COPS2: variants seen among roughly 807,000 people sequenced by gnomAD.
COPS2 encodes the protein COP9 signalosome subunit 2.
Under a neutral mutation model 66.1 loss-of-function variants are expected in COPS2, and 10 were observed. That is an observed-to-expected ratio of 0.15 (90% CI 0.09 to 0.26). COPS2 has a LOEUF of 0.26. COPS2 is among the 10% of genes least tolerant of loss of function. The probability of loss-of-function intolerance (pLI) is 1.00; values close to 1 mark genes in which losing one functional copy is unlikely to be tolerated. For synonymous variants in COPS2, 179 were observed against 171.3 expected (o/e 1.04, Z -0.35); for missense variants, 215 against 513.3 (o/e 0.42, Z 5.62).
At chr15:49,155,503 A>T in intron 1 of COPS2, 22 bp downstream of exon 1, 2 of 1,613,308 alleles carry the variant, frequency 1.2e-6, no homozygotes, top group Non-Finnish European at 1.7e-6. Context: ...CCACCCTCAG[A>T]GTTCCATTCC....
In COPS2 at chr15:49,125,238, T is replaced by C. The variant is rs1482448146; in HGVS notation, c.*2712A>G. On this transcript the variant is annotated 3_prime_UTR_variant, in exon 13 of 13. Coordinates refer to ENST00000388901, the MANE Select transcript of COPS2 (RefSeq NM_004236.4). The stretch of plus-strand genomic sequence containing the variant: ...TAATGAGAGCATTACTTAGTACATA[T>C]ATACTCATCTTTAAAAAGAAATCAG... 3.9e-5 allele frequency: 6 copies of C among 152,132 alleles called. No individual in the cohort carries two copies. The highest frequency in any genetic ancestry group is 2.1e-4 in the South Asian group (1 of 4,834). The allele number at this position is 152,132 out of a possible 1,614,324, so 9.4% of individuals were successfully genotyped here. A position where few individuals can be genotyped will look rare whatever the true frequency, so the allele number is the denominator to read the frequency against.
In COPS2 at chr15:49,122,728, A is replaced by G. The variant is rs1240365422; in HGVS notation, c.*5222T>C. 2.0e-5 allele frequency: 3 copies of G among 152,222 alleles called. No individual in the cohort carries two copies. The highest frequency in any genetic ancestry group is 4.4e-5 in the Non-Finnish European group (3 of 68,034). The allele number at this position is 152,222 out of a possible 1,614,324, so 9.4% of individuals were successfully genotyped here. On this transcript the variant is annotated 3_prime_UTR_variant, in exon 13 of 13. Transcript: ENST00000388901. ...TTAACACAGTAAATACTTAAGAAGTAGATTACGTATTTTTTATTACCAATA... is the reference window on the plus strand; with the variant it reads ...TTAACACAGTAAATACTTAAGAAGTGGATTACGTATTTTTTATTACCAATA...
rs1317524775 is a variant in COPS2, at chr15:49,137,215, A to G, written c.475T>C (p.Tyr159His). The G allele has an allele frequency of 3.1e-6, 5 of 1,604,780 alleles. No homozygotes were observed. Among genetic ancestry groups the G allele is most frequent in the Admixed American group, 1.7e-5 (1 of 58,136 alleles). Residue 159 changes from tyrosine (Y) to histidine (H), a missense_variant, in exon 6 of 13, where the codon TAT becomes CAT. Coordinates refer to ENST00000388901, the MANE Select transcript of COPS2 (RefSeq NM_004236.4). ...TTTCCATATTCCTCTCGTTCTAAAT[A>G]TAATTTTCCAAGCTGCAAGAAAGCA... The part of the protein sequence containing the change: ...FKTNTKLGKL[Y>H]LEREEYGKLQ...
chr15:49,134,661 A>G, intron 6 of COPS2, 147 bp from the exon 7 acceptor site: 4 of 597,342 alleles, frequency 6.7e-6, no homozygotes, highest in Non-Finnish European at 5.5e-6. Context: ...TACTAAGAAT[A>G]CCACTTGTAA....
rs188316166 is a variant in COPS2, at chr15:49,153,918, A to G, written c.54+1607T>C. Among the ~76,000 whole-genome samples, 638 of 152,308 alleles carry G rather than the reference A, an allele frequency of 4.2e-3. 8 individuals carry two copies. The highest frequency in any genetic ancestry group is 0.015 in the African/African-American group (608 of 41,558). On this transcript the variant is annotated intron_variant, in intron 1 of 12. Transcript: ENST00000388901. ...GTGGGGAAGTAAGAGAAGTTGGTTAATGGTATGTACAAACCAACAGTTAGA... is the reference window on the plus strand; with the variant it reads ...GTGGGGAAGTAAGAGAAGTTGGTTAGTGGTATGTACAAACCAACAGTTAGA...
intron 2 of COPS2, among the ~76,000 whole-genome samples, chr15:49,144,746 C>T (rs2084310217): frequency 6.6e-6 from 1 of 152,160 alleles, no homozygotes; most frequent in East Asian, 1.9e-4. Flanking sequence ...CAGAACCATC[C>T]TAGTTTTTCA....
rs548681783 is a variant in COPS2, at chr15:49,145,691, T to G, written c.55-613A>C. On this transcript the variant is annotated intron_variant, in intron 1 of 12. Transcript: ENST00000388901. The stretch of plus-strand genomic sequence containing the variant: ...ATCAAAATAAATAAAACAAAATGGA[T>G]TTATATAATTTTATGAGACTTTCTA... Among the ~76,000 whole-genome samples the G allele has an allele frequency of 3.3e-5, 5 of 152,136 alleles. No individual in the cohort carries two copies. In the South Asian group the frequency reaches 6.2e-4, roughly 19 times the overall value.
intron 9 of COPS2, 93 bp downstream of exon 9, chr15:49,133,665 GT>G (rs1462346792): frequency 1.3e-6 from 1 of 764,012 alleles, no homozygotes; most frequent in East Asian, 2.7e-5. Flanking sequence ...AAGGGCAAAT[GT>G]TGAATATTAA....
intron 6 of COPS2, 98 bp downstream of exon 6, chr15:49,137,052 A>T: frequency 1.3e-6 from 1 of 743,864 alleles, no homozygotes; most frequent in Non-Finnish European, 2.2e-6. Context: ...GATAATGCTT[A>T]AACTAAAACA....
intron 6 of COPS2, among the ~76,000 whole-genome samples, chr15:49,135,720 T>G (rs2141125875): frequency 6.6e-6 from 1 of 152,370 alleles, no homozygotes; most frequent in South Asian, 2.1e-4. Context: ...CTTAAAATTC[T>G]GTTTAATTAT....
chr15:49,146,982 CTCTT>C (rs2084325195), intron 1 of COPS2, among the ~76,000 whole-genome samples: 1 of 151,292 alleles, frequency 6.6e-6, no homozygotes. Flanking sequence ...CTATTTCTCT[CTCTT>C]TCCACCTCTA....
intron 1 of COPS2, among the ~76,000 whole-genome samples, chr15:49,145,422 A>C (rs1336711484): frequency 1.3e-5 from 2 of 152,180 alleles, no homozygotes; most frequent in African/African-American, 4.8e-5. Context: ...TTAGTCATGA[A>C]ATCTGAGGGA....
At chr15:49,128,148 T>C (rs1418224851) in intron 12 of COPS2, 54 bp from the exon 13 acceptor site, 31 of 1,552,710 alleles carry the variant, frequency 2.0e-5, no homozygotes, top group Non-Finnish European at 2.4e-5. Context: ...AAGCACAGTT[T>C]CTGGATTAAT....
chr15:49,133,564 GA>G (rs1200248686), intron 9 of COPS2, among the ~76,000 whole-genome samples, 194 bp downstream of exon 9: 1 of 151,990 alleles, frequency 6.6e-6, no homozygotes, highest in Non-Finnish European at 1.5e-5. Flanking sequence ...AAACTAAGTA[GA>G]TACTTTATAA....
Position 49,126,581 on chromosome 15 carries a change from T to C in COPS2, c.*1369A>G, listed in dbSNP as rs1350541785. The C allele has an allele frequency of 1.3e-5, 2 of 152,452 alleles. No homozygotes were observed. Among genetic ancestry groups the C allele is most frequent in the African/African-American group, 2.4e-5 (1 of 41,434 alleles). 9.4% of individuals were successfully genotyped at this position (152,452 alleles called of 1,614,324 possible). ...TAATCCTAGTTCTTCCTTTCGACAC[T>C]ATAAAATAATGTGAACTTTTTAAAA... On this transcript the variant is annotated 3_prime_UTR_variant, in exon 13 of 13. Transcript: ENST00000388901.
chr15:49,125,871 T>C lies in COPS2; in HGVS notation c.*2079A>G, dbSNP rs974012394. ...TCTCTAGAAAGTGGAAGATGCACTATTGTACAAAGCAAAGATAGCACAGGA... is the reference window on the plus strand; with the variant it reads ...TCTCTAGAAAGTGGAAGATGCACTACTGTACAAAGCAAAGATAGCACAGGA... On this transcript the variant is annotated 3_prime_UTR_variant, in exon 13 of 13. Coordinates refer to ENST00000388901, the MANE Select transcript of COPS2 (RefSeq NM_004236.4). The C allele has an allele frequency of 1.3e-5, 2 of 152,126 alleles. No individual in the cohort carries two copies. The highest frequency in any genetic ancestry group is 4.8e-5 in the African/African-American group (2 of 41,458). 9.4% of individuals were successfully genotyped at this position (152,126 alleles called of 1,614,324 possible).
chr15:49,134,811 T>C (rs2084238882), intron 6 of COPS2, among the ~76,000 whole-genome samples: 1 of 152,202 alleles, frequency 6.6e-6, no homozygotes, highest in Non-Finnish European at 1.5e-5. Flanking sequence ...CCTGAAACTA[T>C]GTATAGTAGT....
At chr15:49,130,967 A>G in intron 9 of COPS2, 151 bp from the exon 10 acceptor site, 1 of 442,334 alleles carries the variant, frequency 2.3e-6, no homozygotes, top group Non-Finnish European at 4.0e-6. Flanking sequence ...AAACAAGCAC[A>G]CATAACCTTC....
intron 1 of COPS2, among the ~76,000 whole-genome samples, chr15:49,150,024 G>A (rs1223628247): frequency 6.6e-6 from 1 of 152,104 alleles, no homozygotes; most frequent in East Asian, 1.9e-4. Context: ...GCTGGGCACG[G>A]TGGCTCATGC....
Sources: allele counts gnomAD v4.1 joint callset (sites outside exome capture counted in the v4.1 genomes callset), GRCh38; gene constraint gnomAD v4.1.1; transcripts MANE v1.5; gene names NCBI Gene and HGNC (gene_info 2026-07-23, HGNC 2026-07-21).